CIMIP2A: variants seen among roughly 807,000 people sequenced by gnomAD.
The protein encoded by CIMIP2A is family with sequence similarity 166 member A.
the CIMIP2A span, among the ~76,000 whole-genome samples, chr9:137,249,862 A>G: frequency 6.6e-6 from 1 of 152,226 alleles, no homozygotes; most frequent in South Asian, 2.1e-4. Flanking sequence ...CCCTAGTTCT[A>G]TGAGTGGCTC....
chr9:137,252,718 C>T, the CIMIP2A span: 1 of 1,554,214 alleles, frequency 6.4e-7, no homozygotes, highest in East Asian at 2.4e-5. Flanking sequence ...CCGCCTTCAG[C>T]TTCAGAGGCT....
chr9:137,244,633 C>G, the CIMIP2A span: 2 of 1,613,524 alleles, frequency 1.2e-6, no homozygotes, highest in Non-Finnish European at 1.7e-6. Flanking sequence ...CTGGATGGCG[C>G]TTTCCTACCT....
At chr9:137,252,950 T>G in the CIMIP2A span, 2 of 1,598,438 alleles carry the variant, frequency 1.3e-6, no homozygotes, top group Non-Finnish European at 8.5e-7. Flanking sequence ...TGCGTTCACC[T>G]CCTGGCTCAG....
At chr9:137,243,672 C>T in the CIMIP2A span, 57 of 1,613,964 alleles carry the variant, frequency 3.5e-5, no homozygotes, top group Non-Finnish European at 4.2e-5. Flanking sequence ...CACATCCATG[C>T]TGTACAGACA....
chr9:137,253,255 G>T, the CIMIP2A span: 2 of 1,601,470 alleles, frequency 1.2e-6, no homozygotes, highest in East Asian at 2.3e-5. Context: ...GAGCCAGCTG[G>T]GCACAACCTG....
the CIMIP2A span, chr9:137,250,356 C>T: frequency 2.6e-5 from 4 of 152,322 alleles, no homozygotes; most frequent in Admixed American, 2.0e-4. Flanking sequence ...ACTCTGAACC[C>T]GGCACAACCT....
chr9:137,252,098 C>T, the CIMIP2A span: 1 of 1,612,512 alleles, frequency 6.2e-7, no homozygotes, highest in Non-Finnish European at 8.5e-7. Flanking sequence ...CCTCCCCACA[C>T]CCCCACTACA....
the CIMIP2A span, chr9:137,243,894 A>G: frequency 3.6e-5 from 46 of 1,270,860 alleles, no homozygotes; most frequent in East Asian, 7.9e-4. Context: ...GGCCCTGGGT[A>G]TCTGCTTGGT....
the CIMIP2A span, chr9:137,247,732 C>T: frequency 3.7e-6 from 6 of 1,612,600 alleles, no homozygotes; most frequent in Non-Finnish European, 4.2e-6. Flanking sequence ...TTCACTCTGG[C>T]CTTGCTGGCT....
At chr9:137,244,495 C>A in the CIMIP2A span, 99 of 1,498,208 alleles carry the variant, frequency 6.6e-5, no homozygotes, top group South Asian at 1.2e-3. Context: ...GGGGCGGCAC[C>A]TCCGGGGACA....
chr9:137,244,621 C>G, the CIMIP2A span: 17 of 1,612,896 alleles, frequency 1.1e-5, no homozygotes, highest in East Asian at 3.8e-4. Flanking sequence ...TGGGAGCAGG[C>G]CCTGGATGGC....
chr9:137,245,726 G>T, the CIMIP2A span: 1 of 1,602,574 alleles, frequency 6.2e-7, no homozygotes. Flanking sequence ...ATGAACTTGG[G>T]TTTGGACATG....
At chr9:137,246,600 A>G in the CIMIP2A span, among the ~76,000 whole-genome samples, 1 of 152,080 alleles carries the variant, frequency 6.6e-6, no homozygotes, top group African/African-American at 2.4e-5. Flanking sequence ...TGTCTCTATT[A>G]AAAATGCAAA....
chr9:137,243,918 G>T, the CIMIP2A span: 2 of 1,088,322 alleles, frequency 1.8e-6, no homozygotes, highest in Admixed American at 1.9e-5. Context: ...GAACTTGCTT[G>T]TTGAAGGCAG....
At chr9:137,251,877 CAGACCCTGAG>C in the CIMIP2A span, 2 of 1,608,586 alleles carry the variant, frequency 1.2e-6, no homozygotes, top group Non-Finnish European at 1.7e-6. Flanking sequence ...CACCTACACC[CAGACCCTGAG>C]GGAACTATGT....
the CIMIP2A span, among the ~76,000 whole-genome samples, chr9:137,248,413 T>G: frequency 2.6e-5 from 4 of 151,322 alleles, no homozygotes; most frequent in African/African-American, 4.9e-5. Flanking sequence ...TGCGGTGGCG[T>G]GCGCCTGTAG....
the CIMIP2A span, chr9:137,244,902 C>T: frequency 5.8e-5 from 92 of 1,583,470 alleles, no homozygotes; most frequent in Middle Eastern, 1.7e-4. Flanking sequence ...GGCAAGGCAC[C>T]GCCTCGTCTT....
chr9:137,252,645 C>T, the CIMIP2A span: 1 of 1,530,272 alleles, frequency 6.5e-7, no homozygotes, highest in Non-Finnish European at 8.8e-7. Flanking sequence ...TGCAGCCCGT[C>T]TCCTACCCCC....
At chr9:137,244,334 A>G in the CIMIP2A span, 1 of 1,611,460 alleles carries the variant, frequency 6.2e-7, no homozygotes, top group East Asian at 2.2e-5. Context: ...CCGGCAGGCA[A>G]ACAGATAGTC....
Sources: gnomAD v4.1 joint callset for allele counts (sites outside exome capture counted in the v4.1 genomes callset) on GRCh38, gnomAD v4.1.1 for gene constraint, MANE v1.5 for transcripts, NCBI Gene and HGNC (gene_info 2026-07-23, HGNC 2026-07-21) for gene names.